Variants in CTDSPL2 observed in about 807,000 individuals in gnomAD.
CTDSPL2 encodes the protein CTD small phosphatase-like protein 2.
Under a neutral mutation model 60.0 loss-of-function variants are expected in CTDSPL2, and 5 were observed. The observed-to-expected ratio is 0.08, with a 90% CI of 0.04 to 0.18. CTDSPL2 has a LOEUF of 0.18. Ranked by LOEUF, CTDSPL2 falls within the 10% of genes least tolerant of loss-of-function variation. The pLI, the probability that CTDSPL2 is intolerant of heterozygous loss-of-function variation, is 1.00. For synonymous variants in CTDSPL2, 186 were observed against 189.3 expected (o/e 0.98, Z 0.14); for missense variants, 370 against 548.8 (o/e 0.67, Z 3.26).
intron 2 of CTDSPL2, among the ~76,000 whole-genome samples, chr15:44,467,279 G>C (rs914260158): frequency 4.6e-5 from 7 of 152,072 alleles, no homozygotes; most frequent in African/African-American, 1.7e-4. Flanking sequence ...TGAGAGTTTT[G>C]CTTACCCTTT....
chr15:44,516,065 T>G (rs1197781158), intron 10 of CTDSPL2, among the ~76,000 whole-genome samples: 1 of 151,224 alleles, frequency 6.6e-6, no homozygotes, highest in Non-Finnish European at 1.5e-5. Context: ...CTTCTGAGTT[T>G]AAAAGATTCT....
At chr15:44,520,128 A>G (rs985046349) in intron 11 of CTDSPL2, 1 of 147,612 alleles carries the variant, frequency 6.8e-6, no homozygotes, top group Admixed American at 6.8e-5. Context: ...ATGTGATATG[A>G]TTTCTTTTTT....
rs1422224764 is a variant in CTDSPL2, at chr15:44,528,603, T to C, written c.*4429T>C. ...AGATTAAGGCTACTGCTCATTATCATTTTTGTCTTTCATATTTTTTAAGGG... is the reference window on the plus strand; with the variant it reads ...AGATTAAGGCTACTGCTCATTATCACTTTTGTCTTTCATATTTTTTAAGGG... On this transcript the variant is annotated 3_prime_UTR_variant, in exon 13 of 13. Transcript: ENST00000260327. 1 of 152,016 alleles carries C rather than the reference T, an allele frequency of 6.6e-6. No individual in the cohort carries two copies. The highest frequency in any genetic ancestry group is 1.5e-5 in the Non-Finnish European group (1 of 68,006). 9.4% of individuals were successfully genotyped at this position (152,016 alleles called of 1,614,324 possible).
chr15:44,433,807 G>C (rs2079913520), intron 1 of CTDSPL2, among the ~76,000 whole-genome samples: 1 of 151,490 alleles, frequency 6.6e-6, no homozygotes, highest in Non-Finnish European at 1.5e-5. Context: ...AAAAAAATTA[G>C]CTGGGCATGG....
intron 10 of CTDSPL2, chr15:44,516,837 TTTTGTTTGTTTG>T (rs370453103): frequency 2.9e-5 from 4 of 137,676 alleles, no homozygotes; most frequent in African/African-American, 8.9e-5. Context: ...AAGCTTGTTT[TTTTGTTTGTTTG>T]TTTGTTGTTT....
In CTDSPL2 at chr15:44,432,704, CT is replaced by C. The variant is rs1419259359; in HGVS notation, c.-25+4933del. On this transcript the variant is annotated intron_variant, in intron 1 of 12. Transcript: ENST00000260327. ...GCGCCATCTCAGCTCAGTGCAACCT[CT>C]GCCTCCCAGATTCAAGTGATTCTCC... is the stretch of plus-strand genomic sequence containing the variant. Among the ~76,000 whole-genome samples, 5 of 152,058 alleles carry C rather than the reference CT, an allele frequency of 3.3e-5. No homozygotes were observed. In the East Asian group the frequency reaches 9.7e-4, roughly 29 times the overall value.
intron 2 of CTDSPL2, among the ~76,000 whole-genome samples, chr15:44,483,246 G>A (rs1567085750): frequency 6.8e-6 from 1 of 147,892 alleles, no homozygotes; most frequent in Non-Finnish European, 1.5e-5. Context: ...CTGGGTGACA[G>A]AGTCAGACTC....
At chr15:44,454,802 C>T (rs2080400787) in intron 1 of CTDSPL2, among the ~76,000 whole-genome samples, 1 of 152,116 alleles carries the variant, frequency 6.6e-6, no homozygotes, top group Non-Finnish European at 1.5e-5. Flanking sequence ...GTTTTGGTAC[C>T]AGTACCATGC....
intron 8 of CTDSPL2, among the ~76,000 whole-genome samples, chr15:44,512,665 T>C (rs931885633): frequency 3.7e-4 from 57 of 152,206 alleles, no homozygotes; most frequent in Admixed American, 3.7e-3. Context: ...AATGTTAAAA[T>C]TGATTAGAAG....
chr15:44,506,025 C>CTT (rs753896129), intron 8 of CTDSPL2, among the ~76,000 whole-genome samples: 1,467 of 117,444 alleles, frequency 0.012, 51 homozygotes, highest in African/African-American at 0.03. Flanking sequence ...TCATTGGTAA[C>CTT]TTTTTTTTTT....
Position 44,458,973 on chromosome 15 carries a change from A to G in CTDSPL2, c.-24-18A>G. Reference sequence around the variant, plus strand: ...TAACTTTTAATTTTTTATTACATTTATTATTTTTCTCTTTTAGTTTTACAT... The same window carrying G: ...TAACTTTTAATTTTTTATTACATTTGTTATTTTTCTCTTTTAGTTTTACAT... On this transcript the variant is annotated intron_variant, in intron 1 of 12. Coordinates refer to ENST00000260327, the MANE Select transcript of CTDSPL2 (RefSeq NM_016396.3). The G allele has an allele frequency of 7.1e-7, 1 of 1,409,384 alleles. No homozygotes were observed. The highest frequency in any genetic ancestry group is 9.5e-7 in the Non-Finnish European group (1 of 1,057,568). 87.3% of individuals were successfully genotyped at this position (1,409,384 alleles called of 1,614,324 possible). A position where few individuals can be genotyped will look rare whatever the true frequency, so the allele number is the denominator to read the frequency against.
Position 44,524,352 on chromosome 15 carries a change from C to G in CTDSPL2, c.*178C>G, listed in dbSNP as rs532750370. 3.6e-4 allele frequency: 213 copies of G among 597,152 alleles called. 2 individuals carry two copies. In the Middle Eastern group the frequency reaches 3.6e-3, roughly 10 times the overall value. 37.0% of individuals were successfully genotyped at this position (597,152 alleles called of 1,614,324 possible). On this transcript the variant is annotated 3_prime_UTR_variant, in exon 13 of 13. Transcript: ENST00000260327. ...GAAAGAGACTTTATCTATCTCAGAT[C>G]GAATACATATAGTAGGTAGGCTAAA...
intron 2 of CTDSPL2, among the ~76,000 whole-genome samples, chr15:44,466,623 C>T (rs956576922): frequency 5.9e-5 from 9 of 152,074 alleles, no homozygotes; most frequent in Non-Finnish European, 1.2e-4. Flanking sequence ...GCTTTTTGCT[C>T]CTAGGCTACA....
At chr15:44,443,970 G>A (rs2080147320) in intron 1 of CTDSPL2, among the ~76,000 whole-genome samples, 1 of 151,282 alleles carries the variant, frequency 6.6e-6, no homozygotes. Context: ...TGGTGCACTT[G>A]TAGCTCGCTG....
chr15:44,449,820 G>A (rs1441217035), intron 1 of CTDSPL2, among the ~76,000 whole-genome samples: 2 of 151,804 alleles, frequency 1.3e-5, no homozygotes, highest in African/African-American at 4.8e-5. Context: ...GCAAAACCTC[G>A]TCTCTACTAA....
chr15:44,459,686 A>G (rs182089675), intron 2 of CTDSPL2, among the ~76,000 whole-genome samples: 40 of 152,338 alleles, frequency 2.6e-4, no homozygotes, highest in African/African-American at 9.4e-4. Context: ...CCACTGAACT[A>G]ATCCACGTAG....
chr15:44,514,684 A>G (rs368770828), intron 9 of CTDSPL2, 24 bp downstream of exon 9: 187 of 1,566,154 alleles, frequency 1.2e-4, no homozygotes, highest in Non-Finnish European at 1.4e-4. Flanking sequence ...AGCTAATTAC[A>G]TATGTATTTT....
intron 8 of CTDSPL2, among the ~76,000 whole-genome samples, chr15:44,501,713 T>C (rs1166132618): frequency 6.6e-6 from 1 of 152,202 alleles, no homozygotes; most frequent in Non-Finnish European, 1.5e-5. Context: ...TTGAACCTTA[T>C]AAGCTATAGA....
intron 4 of CTDSPL2, among the ~76,000 whole-genome samples, chr15:44,489,316 G>A (rs2081178757): frequency 6.6e-6 from 1 of 152,114 alleles, no homozygotes; most frequent in Non-Finnish European, 1.5e-5. Flanking sequence ...GACAGTGGAG[G>A]AATGAGGGAT....
Sources: allele counts gnomAD v4.1 joint callset (sites outside exome capture counted in the v4.1 genomes callset), GRCh38; gene constraint gnomAD v4.1.1; transcripts MANE v1.5; gene names NCBI Gene and HGNC (gene_info 2026-07-23, HGNC 2026-07-21).